BAALC: variants seen among roughly 807,000 people sequenced by gnomAD.
The protein encoded by BAALC is brain and acute leukemia cytoplasmic protein.
BAALC carries 9 observed loss-of-function variants against 15.5 expected under a neutral mutation model. The observed-to-expected ratio is 0.58, with a 90% CI of 0.35 to 1.02. BAALC has a LOEUF of 1.02. Ranked by LOEUF, BAALC falls within the 50% of genes least tolerant of loss-of-function variation. BAALC has a pLI of 0.02. For missense variants in BAALC, 201 were observed against 192.4 expected (o/e 1.04, Z -0.27); for synonymous variants, 80 against 74.6 (o/e 1.07, Z -0.37).
At chr8:103,178,188 CT>C (rs1811646484) in intron 1 of BAALC, among the ~76,000 whole-genome samples, 1 of 152,198 alleles carries the variant, frequency 6.6e-6, no homozygotes, top group Non-Finnish European at 1.5e-5. Context: ...GTATCACTAT[CT>C]TTTTAACTCA....
In BAALC at chr8:103,150,926, G is replaced by A. The variant is rs145256420; in HGVS notation, c.160+9869G>A. On this transcript the variant is annotated intron_variant, in intron 1 of 2. Coordinates refer to ENST00000309982, the MANE Select transcript of BAALC (RefSeq NM_024812.3). ...AGCTTTTAACAAGGATCATGACCTC[G>A]GGTCCCTGGGCCTCAACCTGCTCTC... Among the ~76,000 whole-genome samples the A allele has an allele frequency of 1.3e-3, 193 of 152,128 alleles. 1 individual carries two copies. The highest frequency in any genetic ancestry group is 6.8e-3 in the Middle Eastern group (2 of 292).
intron 2 of BAALC, among the ~76,000 whole-genome samples, chr8:103,223,006 T>C (rs1374369600): frequency 3.3e-5 from 5 of 152,200 alleles, no homozygotes; most frequent in Non-Finnish European, 2.9e-5. Context: ...GTGGGACTTT[T>C]AGTTTTAAAA....
chr8:103,149,458 A>T (rs1810938909), intron 1 of BAALC, among the ~76,000 whole-genome samples: 1 of 152,260 alleles, frequency 6.6e-6, no homozygotes, highest in African/African-American at 2.4e-5. Flanking sequence ...GCATGCTCCT[A>T]ATTAAACATT....
intron 1 of BAALC, among the ~76,000 whole-genome samples, chr8:103,161,285 T>C (rs1811217969): frequency 6.6e-6 from 1 of 152,050 alleles, no homozygotes; most frequent in African/African-American, 2.4e-5. Context: ...TTTATCTTTT[T>C]TTTTTCAAAT....
At chr8:103,165,085 G>C (rs753376486) in intron 1 of BAALC, among the ~76,000 whole-genome samples, 3 of 152,178 alleles carry the variant, frequency 2.0e-5, no homozygotes, top group Non-Finnish European at 4.4e-5. Flanking sequence ...CAGCTGTGTG[G>C]TTGCATAGCT....
At chr8:103,186,282 C>A (rs1281095655) in intron 1 of BAALC, among the ~76,000 whole-genome samples, 1 of 152,194 alleles carries the variant, frequency 6.6e-6, no homozygotes, top group Non-Finnish European at 1.5e-5. Context: ...GCTGCCTTCA[C>A]AATCATCCTG....
At chr8:103,205,575 A>G (rs1474213587) in intron 1 of BAALC, among the ~76,000 whole-genome samples, 1 of 152,132 alleles carries the variant, frequency 6.6e-6, no homozygotes, top group Non-Finnish European at 1.5e-5. Context: ...TATCTATAAT[A>G]TAGATGAGCC....
intron 1 of BAALC, among the ~76,000 whole-genome samples, chr8:103,158,055 T>G (rs1563637165): frequency 6.6e-6 from 1 of 152,214 alleles, no homozygotes; most frequent in Non-Finnish European, 1.5e-5. Flanking sequence ...TTGGTTTGTT[T>G]GAATTGAGAT....
At chr8:103,148,382 T>C (rs895573369) in intron 1 of BAALC, among the ~76,000 whole-genome samples, 2 of 152,208 alleles carry the variant, frequency 1.3e-5, no homozygotes, top group Admixed American at 6.5e-5. Flanking sequence ...GATATCTTTT[T>C]TCATTTTTGA....
intron 1 of BAALC, among the ~76,000 whole-genome samples, chr8:103,184,735 A>C (rs1811795428): frequency 6.6e-6 from 1 of 152,214 alleles, no homozygotes; most frequent in South Asian, 2.1e-4. Context: ...ACTTGAAGCT[A>C]AAGAAGTTCA....
intron 1 of BAALC, among the ~76,000 whole-genome samples, chr8:103,188,768 A>G (rs906818081): frequency 3.3e-5 from 5 of 152,236 alleles, no homozygotes; most frequent in Non-Finnish European, 7.3e-5. Flanking sequence ...TTGCTCGATA[A>G]CATGCCAAGA....
At chr8:103,181,429 G>T (rs542222794) in intron 1 of BAALC, among the ~76,000 whole-genome samples, 1 of 151,956 alleles carries the variant, frequency 6.6e-6, no homozygotes, top group African/African-American at 2.4e-5. Context: ...CCACCACCAC[G>T]CCTGGCTAAT....
At chr8:103,224,447 C>T (rs879237679) in intron 2 of BAALC, among the ~76,000 whole-genome samples, 1 of 151,886 alleles carries the variant, frequency 6.6e-6, no homozygotes, top group Admixed American at 6.6e-5. Context: ...CAGGGGCTTC[C>T]AGGCTATAGG....
chr8:103,200,905 T>TG, intron 1 of BAALC: 1 of 457,126 alleles, frequency 2.2e-6, no homozygotes, highest in South Asian at 6.3e-5. Flanking sequence ...ATATGAATTT[T>TG]GGGGGGACAC....
At position 103,186,206 on chromosome 8, in the gene BAALC, G is replaced by C. The variant is rs1390844638; in HGVS notation, c.161-26713G>C. Among the ~76,000 whole-genome samples, 3 of 152,262 alleles carry C rather than the reference G, an allele frequency of 2.0e-5. No individual in the cohort carries two copies. The East Asian group carries it at 5.8e-4, about 29-fold the overall frequency. On this transcript the variant is annotated intron_variant, in intron 1 of 2. Transcript: ENST00000309982. The stretch of plus-strand genomic sequence containing the variant: ...TGTCCAGGAGTTGCTTCCCTTTATG[G>C]GGGGCTCCCCAGCATGTAGTAAGGC...
chr8:103,144,653 A>G (rs1038367754), intron 1 of BAALC, among the ~76,000 whole-genome samples: 3 of 152,172 alleles, frequency 2.0e-5, no homozygotes, highest in African/African-American at 7.2e-5. Context: ...TTGCATCCTT[A>G]AGCACACTTT....
chr8:103,226,800 T>C (rs532374740), intron 2 of BAALC, among the ~76,000 whole-genome samples: 1 of 152,374 alleles, frequency 6.6e-6, no homozygotes, highest in East Asian at 1.9e-4. Context: ...GTCATTGTAC[T>C]AAGTACCTTA....
intron 2 of BAALC, among the ~76,000 whole-genome samples, chr8:103,226,331 A>G (rs1407934030): frequency 6.6e-6 from 1 of 152,256 alleles, no homozygotes; most frequent in Non-Finnish European, 1.5e-5. Context: ...CCAAATGGTC[A>G]GACCTTTATG....
intron 1 of BAALC, among the ~76,000 whole-genome samples, chr8:103,152,188 C>T (rs1811001506): frequency 6.6e-6 from 1 of 152,036 alleles, no homozygotes; most frequent in Non-Finnish European, 1.5e-5. Flanking sequence ...AATCCCAGTC[C>T]CTTCCTTGGC....
Sources: gnomAD v4.1 joint callset for allele counts (sites outside exome capture counted in the v4.1 genomes callset) on GRCh38, gnomAD v4.1.1 for gene constraint, MANE v1.5 for transcripts, NCBI Gene and HGNC (gene_info 2026-07-23, HGNC 2026-07-21) for gene names.